UBQLN1: variants seen among roughly 807,000 people sequenced by gnomAD.
UBQLN1 encodes ubiquilin-1.
A neutral mutation model predicts 65.4 loss-of-function variants in UBQLN1; 13 were observed. That is an observed-to-expected ratio of 0.20 (90% confidence interval 0.13 to 0.32). The LOEUF (loss-of-function observed/expected upper bound fraction) is 0.32. UBQLN1 is among the 10% of genes least tolerant of loss of function. The pLI is 1.00. For synonymous variants in UBQLN1, 267 were observed against 247.8 expected (o/e 1.08, Z -0.73); for missense variants, 561 against 724.0 (o/e 0.77, Z 2.58).
chr9:83,668,098 C>T (rs1831672218), intron 7 of UBQLN1: 2 of 985,348 alleles, frequency 2.0e-6, no homozygotes, highest in Non-Finnish European at 1.2e-6. Context: ...ATACTAACAA[C>T]TCAGTCTGAT....
chr9:83,660,155 G>T lies in UBQLN1; in HGVS notation c.*1632C>A, dbSNP rs1384200888. The T allele has an allele frequency of 6.6e-6, 1 of 152,500 alleles. No individual in the cohort carries two copies. The highest frequency in any genetic ancestry group is 6.5e-5 in the Admixed American group (1 of 15,272). 9.4% of individuals were successfully genotyped at this position (152,500 alleles called of 1,614,324 possible). On this transcript the variant is annotated 3_prime_UTR_variant, in exon 11 of 11. Transcript: ENST00000376395. Reference sequence around the variant, plus strand: ...AATCTCTTCTACTTATGCCTCCACCGTAACCTTTGTACTTGTTTTCCTCCT... The same window carrying T: ...AATCTCTTCTACTTATGCCTCCACCTTAACCTTTGTACTTGTTTTCCTCCT...
rs762807463 is a variant in UBQLN1 at position 83,661,800 on chromosome 9, G to C, written c.1757C>G (p.Ser586Cys). 3 of 1,607,136 alleles carry C rather than the reference G, an allele frequency of 1.9e-6. No homozygotes were observed. Among genetic ancestry groups the C allele is most frequent in the Non-Finnish European group, 2.5e-6 (3 of 1,176,958 alleles). The stretch of plus-strand genomic sequence containing the variant: ...ACAGAAATGCTGCTATGATGGCTGG[G>C]AGCCCAGTAACCTTTCAATAGCTGC... ...INAAIERLLG[S>C]QPS The change falls in exon 11 of 11, where the codon TCC (serine) becomes TGC (cysteine). Residue 586 changes from serine (S) to cysteine (C), a missense_variant. By Grantham distance (112) the Ser-to-Cys change is moderately radical. Transcript: ENST00000376395.
rs940624207 is a variant in UBQLN1, at chr9:83,673,389, A to G, written c.1106-4062T>C. 2.0e-5 allele frequency among the ~76,000 whole-genome samples: 3 copies of G among 151,812 alleles called. No homozygotes were observed. The East Asian group carries it at 5.8e-4, about 29-fold the overall frequency. ...CACTGTCTCTACTAAGAAAAAAAAC[A>G]AAGAAATTAGCCAGGTGTGGTGGTG... On this transcript the variant is annotated intron_variant, in intron 6 of 10. Coordinates refer to ENST00000376395, the MANE Select transcript of UBQLN1 (RefSeq NM_013438.5).
At chr9:83,693,287 C>T (rs1214336417) in intron 1 of UBQLN1, among the ~76,000 whole-genome samples, 1 of 152,206 alleles carries the variant, frequency 6.6e-6, no homozygotes, top group Non-Finnish European at 1.5e-5. Flanking sequence ...TGAGTGGATT[C>T]TCCAGCTAAC....
intron 6 of UBQLN1, among the ~76,000 whole-genome samples, chr9:83,676,284 A>G (rs2131155891): frequency 6.6e-6 from 1 of 152,386 alleles, no homozygotes; most frequent in East Asian, 1.9e-4. Context: ...AAATATTAAC[A>G]TGAAATGTTA....
intron 1 of UBQLN1, among the ~76,000 whole-genome samples, chr9:83,691,706 C>T (rs956000355): frequency 2.6e-5 from 4 of 152,190 alleles, no homozygotes; most frequent in Non-Finnish European, 4.4e-5. Context: ...CTGACAGACA[C>T]GTGAGAAATC....
At chr9:83,688,524 A>G (rs1832075587) in intron 1 of UBQLN1, among the ~76,000 whole-genome samples, 1 of 152,128 alleles carries the variant, frequency 6.6e-6, no homozygotes, top group Non-Finnish European at 1.5e-5. Context: ...ACAGTTATAT[A>G]GCATTTTATT....
At chr9:83,671,653 T>C (rs1458498567) in intron 6 of UBQLN1, among the ~76,000 whole-genome samples, 1 of 152,234 alleles carries the variant, frequency 6.6e-6, no homozygotes, top group Admixed American at 6.5e-5. Flanking sequence ...AGATGTGCTG[T>C]CATCCAGGCT....
chr9:83,700,561 G>A (rs1832293654), intron 1 of UBQLN1, among the ~76,000 whole-genome samples: 1 of 152,152 alleles, frequency 6.6e-6, no homozygotes, highest in African/African-American at 2.4e-5. Flanking sequence ...ACAGGCTACT[G>A]TGAGAAATCC....
At chr9:83,676,944 A>G (rs769300903) in intron 6 of UBQLN1, among the ~76,000 whole-genome samples, 4 of 152,222 alleles carry the variant, frequency 2.6e-5, no homozygotes, top group Non-Finnish European at 5.9e-5. Context: ...CAGTCTACAG[A>G]AAAGTGGACA....
chr9:83,707,426 A>C, intron 1 of UBQLN1, 74 bp downstream of exon 1: 1 of 1,483,022 alleles, frequency 6.7e-7, no homozygotes, highest in Non-Finnish European at 9.0e-7. Flanking sequence ...AGGCCCTTCC[A>C]AAAGGTCTCC....
intron 6 of UBQLN1, 104 bp downstream of exon 6, chr9:83,677,619 TACTC>T (rs1277865344): frequency 4.3e-5 from 32 of 747,158 alleles, no homozygotes; most frequent in Non-Finnish European, 5.8e-5. Context: ...TTATAAAAGA[TACTC>T]ACTATACATA....
chr9:83,673,568 C>CAAAAAAAAAA (rs77515396), intron 6 of UBQLN1, among the ~76,000 whole-genome samples: 1 of 82,638 alleles, frequency 1.2e-5, no homozygotes, highest in Non-Finnish European at 2.5e-5. Flanking sequence ...AAAAAAAAAA[C>CAAAAAAAAAA]AAAAAAAAAA....
intron 1 of UBQLN1, among the ~76,000 whole-genome samples, chr9:83,700,620 G>A (rs1587664519): frequency 6.6e-6 from 1 of 152,112 alleles, no homozygotes; most frequent in African/African-American, 2.4e-5. Context: ...GATACTACCT[G>A]GAGAAACTGA....
chr9:83,670,558 G>T (rs929833153), intron 6 of UBQLN1, among the ~76,000 whole-genome samples: 7 of 152,038 alleles, frequency 4.6e-5, no homozygotes, highest in African/African-American at 1.7e-4. Context: ...AAAAAACTCT[G>T]CACATAAATA....
chr9:83,665,001 CT>C lies in UBQLN1; in HGVS notation c.1448+28del, dbSNP rs776117625. 3.2e-5 allele frequency: 44 copies of C among 1,386,752 alleles called. No homozygotes were observed. In the Middle Eastern group the frequency reaches 9.4e-4, roughly 30 times the overall value. 85.9% of individuals were successfully genotyped at this position (1,386,752 alleles called of 1,614,324 possible). On this transcript the variant is annotated intron_variant, in intron 9 of 10. Coordinates refer to ENST00000376395, the MANE Select transcript of UBQLN1 (RefSeq NM_013438.5). ...TCTCAGAGAAAGTAACCATTATACA[CT>C]TTCATTATCTTCCCCAAATAAGCCT...
At chr9:83,696,657 AAT>A (rs1832221110) in intron 1 of UBQLN1, among the ~76,000 whole-genome samples, 1 of 151,996 alleles carries the variant, frequency 6.6e-6, no homozygotes, top group Admixed American at 6.6e-5. Flanking sequence ...AAAAAAAAAA[AAT>A]CCCAACTAGG....
chr9:83,664,077 T>A, intron 9 of UBQLN1, 34 bp from the exon 10 acceptor site: 1 of 1,584,694 alleles, frequency 6.3e-7, no homozygotes, highest in Non-Finnish European at 8.6e-7. Flanking sequence ...TATCCTAAGG[T>A]CCTGCAAAAC....
At chr9:83,706,247 G>T (rs1485639994) in intron 1 of UBQLN1, among the ~76,000 whole-genome samples, 1 of 152,174 alleles carries the variant, frequency 6.6e-6, no homozygotes, top group Non-Finnish European at 1.5e-5. Flanking sequence ...AAAATTAAAT[G>T]AACTTGATAA....
Sources: gnomAD v4.1 joint callset for allele counts (sites outside exome capture counted in the v4.1 genomes callset) on GRCh38, gnomAD v4.1.1 for gene constraint, MANE v1.5 for transcripts, NCBI Gene and HGNC (gene_info 2026-07-23, HGNC 2026-07-21) for gene names.